The following GSE1 variants were observed in gnomAD, a reference collection of about 807,000 sequenced individuals.
GSE1 encodes Gse1 coiled-coil protein.
In GSE1, 32 loss-of-function variants were observed where a neutral mutation model predicts 112.6. The ratio of observed to expected loss-of-function variants is 0.28; its 90% CI spans 0.21 to 0.38. The LOEUF (loss-of-function observed/expected upper bound fraction) is 0.38, where lower values mean the gene tolerates loss of function less well. Among genes scored for constraint, GSE1 ranks in the 10% least tolerant of loss-of-function variants. The probability of loss-of-function intolerance (pLI) is 1.00; values close to 1 mark genes in which losing one functional copy is unlikely to be tolerated. For synonymous variants in GSE1, 1,115 were observed against 735.6 expected, an observed-to-expected ratio of 1.52 and a Z score of -8.35; for missense variants, 2,348 against 1,699.2, an observed-to-expected ratio of 1.38 and a Z score of -6.71.
chr16:85,489,047 C>T lies in GSE1; in HGVS notation c.2464+131404C>T, dbSNP rs190106539. 7.4e-3 allele frequency among the ~76,000 whole-genome samples: 1,126 copies of T among 152,252 alleles called. 59 individuals carry two copies. The highest frequency in any genetic ancestry group is 0.065 in the Admixed American group (987 of 15,286). On this transcript the variant is annotated intron_variant, in intron 2 of 2. Coordinates refer to the GSE1 transcript ENST00000637419. ...GAGAAGCGGGTCCAGAGCTGCCGTC[C>T]GCAGACCTTTCTGTCATGCTGGGAA...
At chr16:85,534,790 C>T (rs560167084) in intron 2 of GSE1, among the ~76,000 whole-genome samples, 17 of 152,312 alleles carry the variant, frequency 1.1e-4, no homozygotes, top group Admixed American at 3.3e-4. Context: ...GCGTTGCTCC[C>T]CTGTCTGTGA....
At chr16:85,188,269 C>CGTCT (rs5818526) in intron 1 of GSE1, among the ~76,000 whole-genome samples, 56,271 of 151,846 alleles carry the variant, frequency 0.37, 10,437 homozygotes, top group South Asian at 0.44. Flanking sequence ...GCTGCCTGAC[C>CGTCT]GTCTGTCTGC....
intron 1 of GSE1, among the ~76,000 whole-genome samples, chr16:85,233,550 C>G (rs995171231): frequency 6.6e-6 from 1 of 152,180 alleles, no homozygotes; most frequent in Non-Finnish European, 1.5e-5. Flanking sequence ...TGTACAGTGT[C>G]TGGATGCTTG....
intron 2 of GSE1, among the ~76,000 whole-genome samples, chr16:85,422,930 C>T (rs1002101777): frequency 2.6e-5 from 4 of 152,192 alleles, no homozygotes; most frequent in Non-Finnish European, 5.9e-5. Context: ...GCTGCTTTAT[C>T]TTGACAACAG....
chr16:85,299,505 C>A (rs2045458326), intron 1 of GSE1, among the ~76,000 whole-genome samples: 1 of 152,372 alleles, frequency 6.6e-6, no homozygotes, highest in Non-Finnish European at 1.5e-5. Context: ...GTATCCCTAG[C>A]AGGCCTGCCT....
chr16:85,480,459 C>T (rs1375100867), intron 2 of GSE1, among the ~76,000 whole-genome samples: 1 of 152,218 alleles, frequency 6.6e-6, no homozygotes, highest in African/African-American at 2.4e-5. Flanking sequence ...GCCACCTCCA[C>T]TCCACCCTGT....
At chr16:85,578,386 C>T (rs1226832934) in intron 1 of GSE1, among the ~76,000 whole-genome samples, 1 of 152,210 alleles carries the variant, frequency 6.6e-6, no homozygotes, top group Non-Finnish European at 1.5e-5. Flanking sequence ...AGTCACTGGG[C>T]CTTTAGTCCT....
intron 2 of GSE1, among the ~76,000 whole-genome samples, chr16:85,534,185 G>C (rs2044244031): frequency 6.7e-6 from 1 of 149,506 alleles, no homozygotes; most frequent in Non-Finnish European, 1.5e-5. Context: ...GCAGTGGCCT[G>C]ATCTCGGCTC....
intron 1 of GSE1, among the ~76,000 whole-genome samples, chr16:85,620,061 C>T (rs1049227577): frequency 6.6e-6 from 1 of 151,976 alleles, no homozygotes; most frequent in African/African-American, 2.4e-5. Flanking sequence ...TCCAGGAGGC[C>T]GAGGCAGGTG....
intron 1 of GSE1, among the ~76,000 whole-genome samples, chr16:85,314,346 G>A (rs2045939443): frequency 6.6e-6 from 1 of 152,172 alleles, no homozygotes; most frequent in Non-Finnish European, 1.5e-5. Context: ...TCTGCGCTGG[G>A]TGCCTGTTTT....
chr16:85,223,075 G>A (rs186459535), intron 1 of GSE1, among the ~76,000 whole-genome samples: 82 of 152,220 alleles, frequency 5.4e-4, no homozygotes, highest in African/African-American at 1.9e-3. Context: ...CTCAGGTACG[G>A]GGCCGGCGGA....
intron 2 of GSE1, among the ~76,000 whole-genome samples, chr16:85,528,638 TTTTTGTTTTGTTTTGTTTTGTTTTG>T (rs71151301): frequency 4.1e-5 from 6 of 145,082 alleles, no homozygotes; most frequent in African/African-American, 1.6e-4. Context: ...GGATTGCTGT[TTTTTGTTTTGTTTTGTTTTGTTTTG>T]TTTTGTTTTG....
chr16:85,603,244 T>C (rs1369586127), intron 1 of GSE1, among the ~76,000 whole-genome samples: 2 of 152,152 alleles, frequency 1.3e-5, no homozygotes, highest in Admixed American at 1.3e-4. Flanking sequence ...ATCTCAGAGC[T>C]TGGGTCCACA....
chr16:85,339,069 C>A (rs889549456), intron 1 of GSE1, among the ~76,000 whole-genome samples: 1 of 152,158 alleles, frequency 6.6e-6, no homozygotes, highest in Non-Finnish European at 1.5e-5. Flanking sequence ...CAGGTGGATG[C>A]CCCCAACCCT....
At chr16:85,308,165 G>T (rs560914393) in intron 1 of GSE1, among the ~76,000 whole-genome samples, 1 of 152,290 alleles carries the variant, frequency 6.6e-6, no homozygotes, top group East Asian at 1.9e-4. Flanking sequence ...CACCTAGAAC[G>T]CTGAGCTGCT....
intron 1 of GSE1, among the ~76,000 whole-genome samples, chr16:85,574,194 A>G (rs2046126002): frequency 6.6e-6 from 1 of 152,200 alleles, no homozygotes; most frequent in Non-Finnish European, 1.5e-5. Context: ...GAAGCCATTG[A>G]GGGCCGGCCG....
At chr16:85,562,762 T>C (rs941044553) in intron 1 of GSE1, among the ~76,000 whole-genome samples, 6 of 152,342 alleles carry the variant, frequency 3.9e-5, no homozygotes, top group African/African-American at 1.4e-4. Context: ...CTCACCAATG[T>C]CAAGTGTGAT....
chr16:85,417,821 A>C (rs2048736987), intron 2 of GSE1, among the ~76,000 whole-genome samples: 1 of 152,236 alleles, frequency 6.6e-6, no homozygotes, highest in Admixed American at 6.5e-5. Flanking sequence ...GGTCTGAGGC[A>C]GGGCTGAAGG....
chr16:85,650,182 C>T (rs2051216363), intron 3 of GSE1, among the ~76,000 whole-genome samples: 1 of 152,180 alleles, frequency 6.6e-6, no homozygotes. Context: ...ACAGGGGCCT[C>T]CACACCCCAC....
Sources: allele counts gnomAD v4.1 joint callset (sites outside exome capture counted in the v4.1 genomes callset), GRCh38; gene constraint gnomAD v4.1.1; transcripts MANE v1.5; gene names NCBI Gene and HGNC (gene_info 2026-07-23, HGNC 2026-07-21).